The following NRG3 variants were observed in gnomAD, a reference collection of about 807,000 sequenced individuals.
NRG3 encodes the protein pro-neuregulin-3, membrane-bound isoform.
A neutral mutation model predicts 66.9 loss-of-function variants in NRG3; 31 were observed. The observed-to-expected ratio is 0.46, with a 90% CI of 0.35 to 0.63. The LOEUF (loss-of-function observed/expected upper bound fraction) is 0.63, where lower values mean the gene tolerates loss of function less well. Ranked by LOEUF, NRG3 falls within the 20% of genes least tolerant of loss-of-function variation. NRG3 has a pLI of 0.00. For synonymous variants in NRG3, 393 were observed against 359.4 expected, an observed-to-expected ratio of 1.09 and a Z score of -1.06; for missense variants, 910 against 878.9, an observed-to-expected ratio of 1.04 and a Z score of -0.45.
intron 1 of NRG3, among the ~76,000 whole-genome samples, chr10:82,072,354 C>T (rs1334981092): frequency 2.6e-5 from 4 of 152,128 alleles, no homozygotes; most frequent in Non-Finnish European, 5.9e-5. Flanking sequence ...CCTGACTTAA[C>T]GGGAGAGACC....
At chr10:82,380,783 C>T (rs1370898726) in intron 2 of NRG3, among the ~76,000 whole-genome samples, 1 of 152,150 alleles carries the variant, frequency 6.6e-6, no homozygotes, top group African/African-American at 2.4e-5. Flanking sequence ...TGTACCTACA[C>T]TGTAACTAAT....
intron 2 of NRG3, among the ~76,000 whole-genome samples, chr10:82,695,747 G>A (rs1163078981): frequency 6.6e-6 from 1 of 151,814 alleles, no homozygotes; most frequent in Non-Finnish European, 1.5e-5. Context: ...TTCTTCCATT[G>A]ACAAGTTCTC....
intron 1 of NRG3, among the ~76,000 whole-genome samples, chr10:82,074,007 AGTAT>A (rs781761595): frequency 3.0e-4 from 46 of 151,806 alleles, no homozygotes; most frequent in Non-Finnish European, 6.3e-4. Flanking sequence ...TATTTTTGTG[AGTAT>A]GTGTGTATAT....
intron 2 of NRG3, among the ~76,000 whole-genome samples, chr10:82,472,180 T>A (rs1841330098): frequency 6.6e-6 from 1 of 152,208 alleles, no homozygotes; most frequent in Non-Finnish European, 1.5e-5. Context: ...GATTGGTCAG[T>A]CTTTGAAAAA....
At chr10:82,142,766 C>CTTT (rs3036609) in intron 1 of NRG3, among the ~76,000 whole-genome samples, 3,673 of 110,532 alleles carry the variant, frequency 0.033, 260 homozygotes, top group East Asian at 0.14. Flanking sequence ...CTCTCTCGCT[C>CTTT]TTTTTTTTTT....
intron 1 of NRG3, among the ~76,000 whole-genome samples, chr10:82,158,105 G>T (rs1317701677): frequency 1.3e-5 from 2 of 151,596 alleles, no homozygotes; most frequent in African/African-American, 4.8e-5. Flanking sequence ...ATAGAAAGGG[G>T]ATATTTTGTT....
intron 1 of NRG3, among the ~76,000 whole-genome samples, chr10:82,322,594 G>A (rs1415955101): frequency 6.6e-6 from 1 of 151,764 alleles, no homozygotes; most frequent in Non-Finnish European, 1.5e-5. Context: ...ATATTCAATG[G>A]CACATATAAC....
chr10:82,194,864 T>G (rs1397240368), intron 1 of NRG3, among the ~76,000 whole-genome samples: 1 of 152,158 alleles, frequency 6.6e-6, no homozygotes, highest in Non-Finnish European at 1.5e-5. Context: ...ACATATAGGT[T>G]GATCTCTTTT....
chr10:82,528,121 G>A (rs1383911196), intron 2 of NRG3, among the ~76,000 whole-genome samples: 1 of 152,058 alleles, frequency 6.6e-6, no homozygotes, highest in East Asian at 1.9e-4. Flanking sequence ...AAACAGCACT[G>A]GGCTAGGAAC....
chr10:82,339,488 A>C (rs140711526), intron 1 of NRG3, among the ~76,000 whole-genome samples: 1 of 152,126 alleles, frequency 6.6e-6, no homozygotes, highest in Non-Finnish European at 1.5e-5. Flanking sequence ...CTCACTCACT[A>C]TCACGAGAAC....
intron 2 of NRG3, among the ~76,000 whole-genome samples, chr10:82,549,447 A>G (rs925461466): frequency 2.6e-5 from 4 of 152,174 alleles, no homozygotes; most frequent in African/African-American, 7.2e-5. Context: ...GAGGTGGGAA[A>G]TGCAGAGGGT....
At chr10:82,779,677 T>A (rs1432759162) in intron 3 of NRG3, among the ~76,000 whole-genome samples, 1 of 152,186 alleles carries the variant, frequency 6.6e-6, no homozygotes, top group African/African-American at 2.4e-5. Context: ...TCCAAAATTT[T>A]AATTTCCTTA....
chr10:81,918,194 T>C (rs1460786171), intron 1 of NRG3, among the ~76,000 whole-genome samples: 1 of 152,232 alleles, frequency 6.6e-6, no homozygotes, highest in Non-Finnish European at 1.5e-5. Flanking sequence ...ATTCATGTGC[T>C]GTTTTTTCAT....
intron 2 of NRG3, among the ~76,000 whole-genome samples, chr10:82,551,142 A>C (rs2044279536): frequency 6.6e-6 from 1 of 152,196 alleles, no homozygotes; most frequent in African/African-American, 2.4e-5. Context: ...AGCTGACTTC[A>C]AGCAATGACT....
At chr10:82,917,598 C>A (rs1845965708) in intron 4 of NRG3, among the ~76,000 whole-genome samples, 1 of 152,144 alleles carries the variant, frequency 6.6e-6, no homozygotes, top group Admixed American at 6.5e-5. Flanking sequence ...ATCCCTAACT[C>A]CTCTGATAGT....
chr10:82,711,816 G>T (rs1410270032), intron 2 of NRG3, among the ~76,000 whole-genome samples: 1 of 152,002 alleles, frequency 6.6e-6, no homozygotes, highest in Non-Finnish European at 1.5e-5. Context: ...GATCCCCATT[G>T]TGTATGTCTG....
intron 3 of NRG3, among the ~76,000 whole-genome samples, chr10:82,839,100 A>G (rs2062926019): frequency 6.6e-6 from 1 of 152,194 alleles, no homozygotes; most frequent in African/African-American, 2.4e-5. Context: ...GCTACAATTC[A>G]AGATGAGATT....
chr10:82,562,454 C>T (rs900710818), intron 2 of NRG3, among the ~76,000 whole-genome samples: 1 of 152,044 alleles, frequency 6.6e-6, no homozygotes, highest in Non-Finnish European at 1.5e-5. Flanking sequence ...ATTCTAATCA[C>T]TATGATATAA....
chr10:82,477,789 G>A (rs1473000435), intron 2 of NRG3, among the ~76,000 whole-genome samples: 1 of 152,166 alleles, frequency 6.6e-6, no homozygotes, highest in Non-Finnish European at 1.5e-5. Context: ...AAACCGAGGG[G>A]ACAGGAATGG....
Sources: allele counts gnomAD v4.1 joint callset (sites outside exome capture counted in the v4.1 genomes callset), GRCh38; gene constraint gnomAD v4.1.1; transcripts MANE v1.5; gene names NCBI Gene and HGNC (gene_info 2026-07-23, HGNC 2026-07-21).